The following IQCB1 variants were observed in gnomAD, a reference collection of about 807,000 sequenced individuals.
IQCB1 encodes IQ calmodulin-binding motif-containing protein 1.
Under a neutral mutation model 84.4 loss-of-function variants are expected in IQCB1, and 56 were observed. The observed-to-expected ratio is 0.66, with a 90% CI of 0.54 to 0.83. The LOEUF is 0.83. Among genes scored for constraint, IQCB1 ranks in the 40% least tolerant of loss-of-function variants. The probability of loss-of-function intolerance (pLI) is 0.00; values close to 1 mark genes in which losing one functional copy is unlikely to be tolerated. For missense variants in IQCB1, 629 were observed against 682.1 expected, an observed-to-expected ratio of 0.92 and a Z score of 0.87; for synonymous variants, 210 against 234.8, an observed-to-expected ratio of 0.89 and a Z score of 0.96.
intron 13 of IQCB1, among the ~76,000 whole-genome samples, chr3:121,773,313 T>TAAAAAAAA (rs57716745): frequency 1.9e-5 from 2 of 104,412 alleles, no homozygotes; most frequent in Admixed American, 1.1e-4. Context: ...GACTCTGCCT[T>TAAAAAAAA]AAAAAAAAAA....
intron 13 of IQCB1, among the ~76,000 whole-genome samples, chr3:121,774,858 T>C (rs1397569890): frequency 6.6e-6 from 1 of 152,206 alleles, no homozygotes; most frequent in Non-Finnish European, 1.5e-5. Context: ...TACTTAATGC[T>C]ACCAAACTAC....
intron 13 of IQCB1, 75 bp downstream of exon 13, chr3:121,781,668 A>ATC: frequency 8.8e-7 from 1 of 1,130,234 alleles, no homozygotes. Context: ...CACACAATAT[A>ATC]TGTGTGTGTG....
intron 5 of IQCB1, among the ~76,000 whole-genome samples, chr3:121,821,308 A>G (rs1662397993): frequency 6.6e-6 from 1 of 152,214 alleles, no homozygotes. Flanking sequence ...TAACTCTGGT[A>G]GGAATCTGCA....
chr3:121,819,058 A>C (rs1950177032), intron 5 of IQCB1, among the ~76,000 whole-genome samples: 2 of 152,186 alleles, frequency 1.3e-5, no homozygotes, highest in African/African-American at 4.8e-5. Flanking sequence ...TCCATGAACT[A>C]GGGGGTCAAG....
At chr3:121,795,354 C>T in intron 10 of IQCB1, 103 bp downstream of exon 10, 1 of 754,120 alleles carries the variant, frequency 1.3e-6, no homozygotes, top group South Asian at 1.4e-5. Context: ...GAAAAGATAA[C>T]AAGAAACATA....
At chr3:121,818,833 G>C (rs1395503755) in intron 5 of IQCB1, among the ~76,000 whole-genome samples, 1 of 152,164 alleles carries the variant, frequency 6.6e-6, no homozygotes, top group African/African-American at 2.4e-5. Context: ...GCAGTCAGAA[G>C]CTAGGCATTC....
chr3:121,783,975 T>G (rs1328944050), intron 12 of IQCB1, among the ~76,000 whole-genome samples: 1 of 152,242 alleles, frequency 6.6e-6, no homozygotes, highest in Non-Finnish European at 1.5e-5. Flanking sequence ...AGAAGTCCTT[T>G]TGTTCCTAGT....
intron 6 of IQCB1, among the ~76,000 whole-genome samples, 160 bp from the exon 7 acceptor site, chr3:121,807,603 T>C (rs1949654849): frequency 6.6e-6 from 1 of 151,986 alleles, no homozygotes; most frequent in African/African-American, 2.4e-5. Context: ...GTAAAATTCA[T>C]GGCAATTTTA....
At chr3:121,821,173 C>T (rs1233648715) in intron 5 of IQCB1, among the ~76,000 whole-genome samples, 1 of 151,886 alleles carries the variant, frequency 6.6e-6, no homozygotes, top group Non-Finnish European at 1.5e-5. Flanking sequence ...GCTATGTTGC[C>T]CAGGTTGGTC....
intron 10 of IQCB1, among the ~76,000 whole-genome samples, chr3:121,794,185 A>G (rs905624609): frequency 3.3e-5 from 5 of 152,162 alleles, no homozygotes; most frequent in Non-Finnish European, 7.4e-5. Flanking sequence ...TTGAGTAATA[A>G]TAGATGGATA....
At chr3:121,810,463 T>C (rs758375465) in intron 5 of IQCB1, among the ~76,000 whole-genome samples, 2 of 151,876 alleles carry the variant, frequency 1.3e-5, no homozygotes, top group Non-Finnish European at 2.9e-5. Context: ...TTTATCTCAA[T>C]AAAAATACAA....
At chr3:121,776,651 C>G (rs1948241507) in intron 13 of IQCB1, among the ~76,000 whole-genome samples, 1 of 152,154 alleles carries the variant, frequency 6.6e-6, no homozygotes, top group African/African-American at 2.4e-5. Context: ...CTGAAGCAAT[C>G]CTCCCACCTT....
rs988329426 is a variant in IQCB1, at chr3:121,834,961, G to T, written c.-102+5C>A. On this transcript the variant is annotated splice_donor_5th_base_variant and intron_variant, in intron 1 of 14. Transcript: ENST00000310864. Reference sequence around the variant, plus strand: ...CCTCCCCAGCCACCACCTCAGATAAGTTACCTCATCCTCGCTTCGCGTTCT... The same window carrying T: ...CCTCCCCAGCCACCACCTCAGATAATTTACCTCATCCTCGCTTCGCGTTCT... 2 of 426,046 alleles carry T rather than the reference G, an allele frequency of 4.7e-6. No homozygotes were observed. The highest frequency in any genetic ancestry group is 5.1e-5 in the South Asian group (2 of 39,160). 26.4% of individuals were successfully genotyped at this position (426,046 alleles called of 1,614,324 possible). A position where few individuals can be genotyped will look rare whatever the true frequency, so the allele number is the denominator to read the frequency against.
intron 5 of IQCB1, among the ~76,000 whole-genome samples, chr3:121,819,922 G>T (rs1262288020): frequency 1.3e-5 from 2 of 151,986 alleles, no homozygotes; most frequent in Non-Finnish European, 2.9e-5. Flanking sequence ...TTGAAATCTG[G>T]TGAATATTTA....
At chr3:121,815,505 A>G (rs1413830240) in intron 5 of IQCB1, among the ~76,000 whole-genome samples, 1 of 152,060 alleles carries the variant, frequency 6.6e-6, no homozygotes, top group African/African-American at 2.4e-5. Context: ...TATTTAGAAA[A>G]CCCCATCGTC....
chr3:121,835,001 T>C lies in IQCB1; in HGVS notation c.-137A>G, dbSNP rs1708202048. The C allele has an allele frequency of 6.7e-6, 3 of 445,770 alleles. No homozygotes were observed. The highest frequency in any genetic ancestry group is 1.2e-5 in the Non-Finnish European group (3 of 256,476). 27.6% of individuals were successfully genotyped at this position (445,770 alleles called of 1,614,324 possible). ...CTTCGCGTTCTTCCACTAAAGAACCTGGGGCTCCCACGCCGCACTACAGCG... is the reference window on the plus strand; with the variant it reads ...CTTCGCGTTCTTCCACTAAAGAACCCGGGGCTCCCACGCCGCACTACAGCG... On this transcript the variant is annotated 5_prime_UTR_variant, in exon 1 of 15. Transcript: ENST00000310864.
intron 8 of IQCB1, among the ~76,000 whole-genome samples, chr3:121,797,906 C>T (rs1949264726): frequency 6.6e-6 from 1 of 151,726 alleles, no homozygotes; most frequent in African/African-American, 2.4e-5. Context: ...GTAAAATTGC[C>T]TTGTAGTGTA....
intron 2 of IQCB1, among the ~76,000 whole-genome samples, chr3:121,830,415 T>G (rs1950597345): frequency 6.6e-6 from 1 of 151,962 alleles, no homozygotes; most frequent in East Asian, 1.9e-4. Flanking sequence ...AAAAAAAGTT[T>G]TAAAGCATTT....
Position 121,815,802 on chromosome 3 carries a change from A to G in IQCB1, c.394-6793T>C, listed in dbSNP as rs537210219. Among the ~76,000 whole-genome samples the G allele has an allele frequency of 2.0e-5, 3 of 152,294 alleles. No homozygotes were observed. In the East Asian group the frequency reaches 5.8e-4, roughly 29 times the overall value. On this transcript the variant is annotated intron_variant, in intron 5 of 14. Coordinates refer to ENST00000310864, the MANE Select transcript of IQCB1 (RefSeq NM_001023570.4). ...AAAAATTCCATGCTTATGGATAGAAAGAATCAATATCGTGAAGATGGCCAT... is the reference window on the plus strand; with the variant it reads ...AAAAATTCCATGCTTATGGATAGAAGGAATCAATATCGTGAAGATGGCCAT...
Sources: allele counts gnomAD v4.1 joint callset (sites outside exome capture counted in the v4.1 genomes callset), GRCh38; gene constraint gnomAD v4.1.1; transcripts MANE v1.5; gene names NCBI Gene and HGNC (gene_info 2026-07-23, HGNC 2026-07-21).